Variants in ARID1B observed in about 807,000 individuals in gnomAD.
ARID1B encodes the protein AT-rich interactive domain-containing protein 1B.
A neutral mutation model predicts 212.3 loss-of-function variants in ARID1B; 30 were observed. The ratio of observed to expected loss-of-function variants is 0.14; its 90% CI spans 0.11 to 0.19. ARID1B has a LOEUF of 0.19. Ranked by LOEUF, ARID1B falls within the 10% of genes least tolerant of loss-of-function variation. The probability of loss-of-function intolerance (pLI) is 1.00; values close to 1 mark genes in which losing one functional copy is unlikely to be tolerated. For synonymous variants in ARID1B, 1,402 were observed against 1,301.7 expected, an observed-to-expected ratio of 1.08 and a Z score of -1.66; for missense variants, 2,891 against 3,204.0, an observed-to-expected ratio of 0.90 and a Z score of 2.36.
At chr6:157,036,118 G>A (rs1781313200) in intron 4 of ARID1B, among the ~76,000 whole-genome samples, 1 of 152,142 alleles carries the variant, frequency 6.6e-6, no homozygotes, top group Non-Finnish European at 1.5e-5. Flanking sequence ...TTTCCATCGT[G>A]TATTGGTACT....
At chr6:157,084,569 C>T (rs1481064329) in intron 4 of ARID1B, 93 bp from the exon 5 acceptor site, 2 of 1,478,122 alleles carry the variant, frequency 1.4e-6, no homozygotes, top group South Asian at 1.3e-5. Flanking sequence ...ACCTTCATCT[C>T]TGAAGGGGAC....
chr6:157,053,826 C>G (rs2128385599), intron 4 of ARID1B, among the ~76,000 whole-genome samples: 1 of 152,312 alleles, frequency 6.6e-6, no homozygotes, highest in East Asian at 1.9e-4. Context: ...GTAATCCCAG[C>G]ACTTTGGGAG....
intron 1 of ARID1B, among the ~76,000 whole-genome samples, chr6:156,812,933 G>GGTGTGTGTGT (rs71027314): frequency 3.4e-5 from 3 of 89,442 alleles, no homozygotes; most frequent in Non-Finnish European, 7.2e-5. Context: ...TATAATCCTG[G>GGTGTGTGTGT]GTGTGTGTGT....
rs1043497450 is a variant in ARID1B, at chr6:157,016,961, A to G, written c.2248-67701A>G. 4.6e-5 allele frequency among the ~76,000 whole-genome samples: 7 copies of G among 152,322 alleles called. 1 individual carries two copies. Among genetic ancestry groups the G allele is most frequent in the Admixed American group, 4.6e-4 (7 of 15,294 alleles). On this transcript the variant is annotated intron_variant, in intron 4 of 19. Coordinates refer to ENST00000636930, the MANE Select transcript of ARID1B (RefSeq NM_001374828.1). Reference sequence around the variant, plus strand: ...AAGTGAAGACTTACTGTATCTCATTAATTTTGTATTGCTTAAAGGTTGAAA... The same window carrying G: ...AAGTGAAGACTTACTGTATCTCATTGATTTTGTATTGCTTAAAGGTTGAAA...
intron 4 of ARID1B, among the ~76,000 whole-genome samples, chr6:157,003,886 C>G (rs576193193): frequency 6.6e-6 from 1 of 151,794 alleles, no homozygotes; most frequent in South Asian, 2.1e-4. Context: ...TTCACTTTGG[C>G]CGAGAGTTCA....
intron 2 of ARID1B, among the ~76,000 whole-genome samples, chr6:156,897,768 C>T (rs167007): frequency 0.48 from 73,086 of 151,808 alleles, 18,406 homozygotes; most frequent in African/African-American, 0.59. Context: ...CACCGTGCTG[C>T]TGTTAGTGTA....
At chr6:157,166,498 TG>T (rs1441121226) in intron 8 of ARID1B, 2 of 152,236 alleles carry the variant, frequency 1.3e-5, no homozygotes, top group African/African-American at 4.8e-5. Context: ...GAAATTGGTA[TG>T]TTTTTAATAG....
intron 1 of ARID1B, among the ~76,000 whole-genome samples, chr6:156,817,218 A>G (rs1336141201): frequency 6.6e-6 from 1 of 151,840 alleles, no homozygotes; most frequent in African/African-American, 2.4e-5. Context: ...TCTACTAAAA[A>G]TACAAAAAAA....
chr6:156,844,259 T>C (rs1450555576), intron 2 of ARID1B, among the ~76,000 whole-genome samples: 4 of 152,336 alleles, frequency 2.6e-5, no homozygotes, highest in South Asian at 4.1e-4. Flanking sequence ...ATTTTTTGTT[T>C]TGTTTTGTTT....
intron 2 of ARID1B, among the ~76,000 whole-genome samples, chr6:156,884,364 A>G (rs543101658): frequency 1.5e-4 from 23 of 151,632 alleles, no homozygotes; most frequent in African/African-American, 5.6e-4. Context: ...GATTTAGAAC[A>G]TGGTCTATTT....
intron 8 of ARID1B, chr6:157,150,521 T>C (rs1376377337): frequency 6.3e-6 from 1 of 158,400 alleles, no homozygotes; most frequent in Non-Finnish European, 1.4e-5. Flanking sequence ...ATTGAGAATA[T>C]TACTTTTCTC....
chr6:156,902,283 C>T (rs996051473), intron 3 of ARID1B: 3 of 152,080 alleles, frequency 2.0e-5, no homozygotes, highest in Admixed American at 1.3e-4. Flanking sequence ...ATAAAATGTT[C>T]GTAGCACATC....
At chr6:157,082,927 T>C (rs1183348024) in intron 4 of ARID1B, among the ~76,000 whole-genome samples, 2 of 152,218 alleles carry the variant, frequency 1.3e-5, no homozygotes, top group Non-Finnish European at 2.9e-5. Flanking sequence ...CTGTCAGGTA[T>C]ACTTTAGAAT....
At chr6:157,125,310 G>A (rs557694025) in intron 6 of ARID1B, among the ~76,000 whole-genome samples, 1 of 152,322 alleles carries the variant, frequency 6.6e-6, no homozygotes, top group African/African-American at 2.4e-5. Flanking sequence ...AAGCTTAGAG[G>A]GCAGGAAGTC....
At chr6:156,813,041 T>C (rs568136815) in intron 1 of ARID1B, among the ~76,000 whole-genome samples, 7 of 141,526 alleles carry the variant, frequency 4.9e-5, no homozygotes, top group East Asian at 2.1e-4. Context: ...CATATATATA[T>C]ACACATACGT....
chr6:157,105,843 G>A (rs140626192), intron 5 of ARID1B, among the ~76,000 whole-genome samples: 2,752 of 152,098 alleles, frequency 0.018, 88 homozygotes, highest in African/African-American at 0.063. Context: ...TTCATGATCC[G>A]CCCGCCTCAG....
chr6:157,196,111 G>T, intron 15 of ARID1B, 54 bp from the exon 16 acceptor site: 2 of 1,593,432 alleles, frequency 1.3e-6, no homozygotes, highest in Non-Finnish European at 1.7e-6. Context: ...GGATGGATGG[G>T]CCTTTGACTT....
At chr6:156,791,464 C>T (rs538174796) in intron 1 of ARID1B, among the ~76,000 whole-genome samples, 133 of 152,316 alleles carry the variant, frequency 8.7e-4, no homozygotes, top group African/African-American at 3.1e-3. Flanking sequence ...TAAGACAACC[C>T]CTTACGTGAG....
intron 2 of ARID1B, among the ~76,000 whole-genome samples, chr6:156,845,676 T>A (rs1193627843): frequency 6.6e-6 from 1 of 152,310 alleles, no homozygotes; most frequent in East Asian, 1.9e-4. Context: ...ATTTCTAAAA[T>A]GTGGATGAAC....
Sources: gnomAD v4.1 joint callset for allele counts (sites outside exome capture counted in the v4.1 genomes callset) on GRCh38, gnomAD v4.1.1 for gene constraint, MANE v1.5 for transcripts, NCBI Gene and HGNC (gene_info 2026-07-23, HGNC 2026-07-21) for gene names.